Variants in CD163L1 observed in about 807,000 individuals in gnomAD.
CD163L1 encodes the protein CD163 molecule like 1.
Under a neutral mutation model 165.4 loss-of-function variants are expected in CD163L1, and 124 were observed. The ratio of observed to expected loss-of-function variants is 0.75; its 90% confidence interval spans 0.65 to 0.87. CD163L1 has a LOEUF of 0.87. CD163L1 is among the 40% of genes least tolerant of loss of function. The pLI is 0.00. For missense variants in CD163L1, 1,525 were observed against 1,799.9 expected (o/e 0.85, Z 2.76); for synonymous variants, 585 against 662.2 (o/e 0.88, Z 1.79).
intron 11 of CD163L1, 98 bp from the exon 12 acceptor site, chr12:7,375,021 G>C: frequency 8.6e-7 from 1 of 1,165,002 alleles, no homozygotes; most frequent in Non-Finnish European, 1.3e-6. Context: ...ATTGTGATAA[G>C]GACTTTTCAA....
chr12:7,418,396 C>T (rs1034961800), intron 4 of CD163L1, among the ~76,000 whole-genome samples: 6 of 151,942 alleles, frequency 3.9e-5, no homozygotes, highest in African/African-American at 1.4e-4. Context: ...GTGCTAAGAG[C>T]AAAGTTCATA....
chr12:7,398,977 T>G lies in CD163L1; in HGVS notation c.1409-393A>C, dbSNP rs922491157. 2.0e-5 allele frequency among the ~76,000 whole-genome samples: 3 copies of G among 152,304 alleles called. No homozygotes were observed. In the East Asian group the frequency reaches 5.8e-4, roughly 29 times the overall value. ...ATTAGCACCAAAGCTTATCCCCTCA[T>G]AGTCGTCATTTTAGTTTGTCCACTC... is the stretch of plus-strand genomic sequence containing the variant. On this transcript the variant is annotated intron_variant, in intron 6 of 19. Coordinates refer to ENST00000313599, the MANE Select transcript of CD163L1 (RefSeq NM_174941.6). The surrounding 1 kb of genome is among the most constrained non-coding windows in gnomAD (Gnocchi z 4.5).
rs1444479043 is a variant in CD163L1, at chr12:7,432,847, T to A, written c.446-111A>T. Reference sequence around the variant, plus strand: ...TGTTATGAATGAAGTTACCAAAAATTAAAAAAAAATAACTGAAAATACTTA... The same window carrying A: ...TGTTATGAATGAAGTTACCAAAAATAAAAAAAAAATAACTGAAAATACTTA... On this transcript the variant is annotated intron_variant, in intron 3 of 19. Transcript: ENST00000313599. The surrounding 1 kb of genome is among the most constrained non-coding windows in gnomAD (Gnocchi z 4.2). 3 of 847,608 alleles carry A rather than the reference T, an allele frequency of 3.5e-6. No homozygotes were observed. Among genetic ancestry groups the A allele is most frequent in the Middle Eastern group, 2.4e-4 (1 of 4,138 alleles). 52.5% of individuals were successfully genotyped at this position (847,608 alleles called of 1,614,324 possible). A position where few individuals can be genotyped will look rare whatever the true frequency, so the allele number is the denominator to read the frequency against.
At chr12:7,399,305 C>T (rs200878694) in intron 6 of CD163L1, among the ~76,000 whole-genome samples, 2 of 138,316 alleles carry the variant, frequency 1.4e-5, no homozygotes, top group South Asian at 2.3e-4. Flanking sequence ...TCTCTCCTTT[C>T]TTTCTTTTCT....
At chr12:7,415,661 G>A (rs2136561692) in intron 4 of CD163L1, among the ~76,000 whole-genome samples, 1 of 152,176 alleles carries the variant, frequency 6.6e-6, no homozygotes, top group Admixed American at 6.5e-5. Context: ...CAACTTATAA[G>A]TGAGAACATG....
downstream of CD163L1, among the ~76,000 whole-genome samples, chr12:7,345,942 T>C (rs750120896): frequency 2.6e-5 from 4 of 152,072 alleles, no homozygotes; most frequent in Non-Finnish European, 5.9e-5. Flanking sequence ...TTGGGAGAAC[T>C]CGTTCACTAT....
Position 7,395,835 on chromosome 12 carries a change from G to C in CD163L1, c.2050+260C>G, listed in dbSNP as rs772662582. Among the ~76,000 whole-genome samples the C allele has an allele frequency of 4.6e-4, 70 of 152,160 alleles. 1 individual carries two copies. Among genetic ancestry groups the C allele is most frequent in the African/African-American group, 1.5e-3 (64 of 41,518 alleles). On this transcript the variant is annotated intron_variant, in intron 8 of 19. Coordinates refer to ENST00000313599, the MANE Select transcript of CD163L1 (RefSeq NM_174941.6). ...TGACTATGGATAATGTCTTTTTGTA[G>C]AATTGTATTGACTAGTGGTTTGATG...
chr12:7,398,186 G>T lies in CD163L1; in HGVS notation c.1729+78C>A. 1.5e-6 allele frequency: 2 copies of T among 1,358,366 alleles called. No individual in the cohort carries two copies. The highest frequency in any genetic ancestry group is 2.0e-6 in the Non-Finnish European group (2 of 986,206). 84.1% of individuals were successfully genotyped at this position (1,358,366 alleles called of 1,614,324 possible). A position where few individuals can be genotyped will look rare whatever the true frequency, so the allele number is the denominator to read the frequency against. ...TCAATCAATTCCCACATGTAAGCCA[G>T]TTTATAGACCCAGAAGCCCTTCCTA... On this transcript the variant is annotated intron_variant, in intron 7 of 19. Coordinates refer to ENST00000313599, the MANE Select transcript of CD163L1 (RefSeq NM_174941.6). The surrounding 1 kb of genome is among the most constrained non-coding windows in gnomAD (Gnocchi z 4.5).
chr12:7,386,728 T>A (rs972417849), intron 8 of CD163L1, among the ~76,000 whole-genome samples: 1 of 151,850 alleles, frequency 6.6e-6, no homozygotes, highest in East Asian at 1.9e-4. Flanking sequence ...AAAAACCATA[T>A]GATCACCTCA....
rs780926931 is a variant in CD163L1, at chr12:7,379,190, C to A, written c.2159G>T (p.Gly720Val). The change falls in exon 9 of 20, where the codon GGA becomes GTA. Residue 720 changes from glycine (G) to valine (V), a missense_variant. Coordinates refer to ENST00000313599, the MANE Select transcript of CD163L1 (RefSeq NM_174941.6). The stretch of plus-strand genomic sequence containing the variant: ...GCAAACAACTTCAGCAATGTTCATT[C>A]CCCAGCCATTAGCACACAGAATTCC... The part of the protein sequence containing the change: ...AVGILCANGW[G>V]MNIAEVVCRQ... The A allele has an allele frequency of 3.1e-6, 5 of 1,614,140 alleles. No individual in the cohort carries two copies. Among genetic ancestry groups the A allele is most frequent in the Non-Finnish European group, 4.2e-6 (5 of 1,180,016 alleles).
rs538424134 is a variant in CD163L1 at position 7,442,186 on chromosome 12, CTG to C, written c.32-942_32-941del. 1.6e-3 allele frequency among the ~76,000 whole-genome samples: 250 copies of C among 152,270 alleles called. 3 individuals carry two copies. The Middle Eastern group carries it at 0.034, about 21-fold the overall frequency. ...TGTTTACTTGAGGGGTATGTAACAG[CTG>C]TAACTGTTAGAGAACTATCTTAAAT... On this transcript the variant is annotated intron_variant, in intron 1 of 19. Coordinates refer to ENST00000313599, the MANE Select transcript of CD163L1 (RefSeq NM_174941.6).
intron 7 of CD163L1, among the ~76,000 whole-genome samples, chr12:7,396,970 GGAT>G (rs1274223784): frequency 6.6e-6 from 1 of 152,024 alleles, no homozygotes; most frequent in Non-Finnish European, 1.5e-5. Flanking sequence ...AAAATCTTAA[GGAT>G]GAGTTTTATG....
At position 7,404,974 on chromosome 12, in the gene CD163L1, G is replaced by GA. The variant is rs990367401; in HGVS notation, c.1088-1120dup. 5.1e-3 allele frequency among the ~76,000 whole-genome samples: 775 copies of GA among 151,000 alleles called. 9 individuals are homozygous for GA. The highest frequency in any genetic ancestry group is 0.017 in the African/African-American group (701 of 41,224). Reference sequence around the variant, plus strand: ...GAAACTGTGAACTGTTTTTGTTTGGGAAAAAAAAATCCTCTGACTACAGGG... The same window carrying GA: ...GAAACTGTGAACTGTTTTTGTTTGGGAAAAAAAAAATCCTCTGACTACAGGG... On this transcript the variant is annotated intron_variant, in intron 5 of 19. Coordinates refer to ENST00000313599, the MANE Select transcript of CD163L1 (RefSeq NM_174941.6).
intron 4 of CD163L1, among the ~76,000 whole-genome samples, chr12:7,425,471 A>T (rs1467549059): frequency 2.0e-5 from 3 of 152,372 alleles, no homozygotes; most frequent in African/African-American, 7.2e-5. Flanking sequence ...AACAAAAGCC[A>T]AAATTGACAA....
At chr12:7,392,746 C>A (rs987629201) in intron 8 of CD163L1, among the ~76,000 whole-genome samples, 2 of 152,238 alleles carry the variant, frequency 1.3e-5, no homozygotes, top group East Asian at 1.9e-4. Flanking sequence ...AATATCACCA[C>A]CAATCCCAAA....
intron 6 of CD163L1, among the ~76,000 whole-genome samples, chr12:7,402,704 C>T (rs1027132456): frequency 1.3e-5 from 2 of 151,714 alleles, no homozygotes; most frequent in Non-Finnish European, 2.9e-5. Context: ...GACCCAATCA[C>T]GGCTCACTGC....
At chr12:7,429,215 T>C (rs945854898) in intron 4 of CD163L1, among the ~76,000 whole-genome samples, 3 of 152,034 alleles carry the variant, frequency 2.0e-5, no homozygotes, top group Admixed American at 2.0e-4. Context: ...ATAATAGAAT[T>C]CTTAGGGGCT....
At chr12:7,319,418 C>T in the CD163L1 span, among the ~76,000 whole-genome samples, 627 of 151,942 alleles carry the variant, frequency 4.1e-3, 4 homozygotes, top group Non-Finnish European at 6.8e-3. Context: ...GGTGAAACCT[C>T]GTCTCTACTA....
the CD163L1 span, chr12:7,320,824 CATT>C: frequency 6.3e-7 from 1 of 1,575,998 alleles, no homozygotes; most frequent in South Asian, 1.1e-5. Flanking sequence ...CAGAAATCTC[CATT>C]TGAACCACAA....
Sources: allele counts gnomAD v4.1 joint callset (sites outside exome capture counted in the v4.1 genomes callset), GRCh38; gene constraint gnomAD v4.1.1; non-coding constraint Gnocchi (gnomAD v3.1); transcripts MANE v1.5; gene names NCBI Gene and HGNC (gene_info 2026-07-23, HGNC 2026-07-21).